The following IDE variants were observed in gnomAD, a reference collection of about 807,000 sequenced individuals.
The protein encoded by IDE is insulin-degrading enzyme.
IDE carries 58 observed loss-of-function variants against 133.2 expected under a neutral mutation model. The ratio of observed to expected loss-of-function variants is 0.44; its 90% CI spans 0.35 to 0.54. The LOEUF is 0.54. Among genes scored for constraint, IDE ranks in the 20% least tolerant of loss-of-function variants. The pLI is 0.00. For synonymous variants in IDE, 396 were observed against 421.3 expected (o/e 0.94, Z 0.73); for missense variants, 981 against 1,234.0 (o/e 0.79, Z 3.07).
In IDE at chr10:92,559,320, G is replaced by A. The variant is rs565389889; in HGVS notation, c.98+14602C>T. ...AGTGTTCACATGAAAACTTGTACACGAATGCCCAAAGCAGTATTATTCATT... is the reference window on the plus strand; with the variant it reads ...AGTGTTCACATGAAAACTTGTACACAAATGCCCAAAGCAGTATTATTCATT... On this transcript the variant is annotated intron_variant, in intron 1 of 24. Coordinates refer to ENST00000265986, the MANE Select transcript of IDE (RefSeq NM_004969.4). 7 of 152,218 alleles carry A rather than the reference G, an allele frequency of 4.6e-5. No homozygotes were observed. The South Asian group carries it at 1.4e-3, about 32-fold the overall frequency. The allele number at this position is 152,218 out of a possible 1,614,324, so 9.4% of individuals were successfully genotyped here.
chr10:92,478,061 G>T (rs1182849424), intron 15 of IDE, among the ~76,000 whole-genome samples: 1 of 152,190 alleles, frequency 6.6e-6, no homozygotes, highest in African/African-American at 2.4e-5. Context: ...GAAGATGAAT[G>T]TGTGCCATAA....
At chr10:92,502,483 T>C (rs1589433803) in intron 11 of IDE, among the ~76,000 whole-genome samples, 1 of 152,356 alleles carries the variant, frequency 6.6e-6, no homozygotes, top group African/African-American at 2.4e-5. Context: ...TTTTTGTATG[T>C]TGACCTTGCA....
At chr10:92,461,757 C>A (rs577135865) in intron 21 of IDE, among the ~76,000 whole-genome samples, 1 of 151,992 alleles carries the variant, frequency 6.6e-6, no homozygotes, top group Non-Finnish European at 1.5e-5. Flanking sequence ...CTCTGCCTCC[C>A]GGGTTCATGC....
At chr10:92,555,497 CAAAAAAA>C (rs71306837) in intron 1 of IDE, among the ~76,000 whole-genome samples, 2 of 91,998 alleles carry the variant, frequency 2.2e-5, no homozygotes, top group Admixed American at 1.1e-4. Flanking sequence ...AACTTTGTCT[CAAAAAAA>C]AAAAAAAAAA....
At chr10:92,561,497 A>T (rs1480369867) in intron 1 of IDE, among the ~76,000 whole-genome samples, 1 of 151,262 alleles carries the variant, frequency 6.6e-6, no homozygotes, top group Non-Finnish European at 1.5e-5. Flanking sequence ...CACGCCTGTA[A>T]TCCCAGCCCT....
intron 1 of IDE, among the ~76,000 whole-genome samples, chr10:92,571,502 G>A (rs1843786494): frequency 6.6e-6 from 1 of 152,160 alleles, no homozygotes; most frequent in Non-Finnish European, 1.5e-5. Flanking sequence ...TGCAAAGTAG[G>A]GCTGCCTGCA....
rs1056637168 is a variant in IDE, at chr10:92,453,075, A to G, written c.*1369T>C. ...ACTTTACAGAAGAAAGTCCTAGCCA[A>G]TCAAATCATATGGGGAGGTAAAATG... On this transcript the variant is annotated 3_prime_UTR_variant, in exon 25 of 25. Coordinates refer to ENST00000265986, the MANE Select transcript of IDE (RefSeq NM_004969.4). 2.0e-5 allele frequency: 3 copies of G among 152,240 alleles called. No individual in the cohort carries two copies. Among genetic ancestry groups the G allele is most frequent in the Admixed American group, 1.3e-4 (2 of 15,282 alleles). 9.4% of individuals were successfully genotyped at this position (152,240 alleles called of 1,614,324 possible). A position where few individuals can be genotyped will look rare whatever the true frequency, so the allele number is the denominator to read the frequency against.
chr10:92,510,830 AC>A (rs1848576984), intron 5 of IDE, among the ~76,000 whole-genome samples: 1 of 151,030 alleles, frequency 6.6e-6, no homozygotes, highest in African/African-American at 2.4e-5. Context: ...GATATATAGC[AC>A]ATACATATCA....
rs55950806 is a variant in IDE, at chr10:92,532,542, A to G, written c.492-625T>C. On this transcript the variant is annotated intron_variant, in intron 3 of 24. Coordinates refer to ENST00000265986, the MANE Select transcript of IDE (RefSeq NM_004969.4). ...GGGCGTTTATGAAATCATAAGAGAA[A>G]AAGTCCATAAAATTTTAATAAGCAG... Among the ~76,000 whole-genome samples the G allele has an allele frequency of 8.1e-4, 123 of 152,338 alleles. 1 individual carries two copies. Among genetic ancestry groups the G allele is most frequent in the Middle Eastern group, 3.4e-3 (1 of 294 alleles).
intron 1 of IDE, among the ~76,000 whole-genome samples, chr10:92,569,422 G>C (rs1455633749): frequency 6.6e-6 from 1 of 152,220 alleles, no homozygotes; most frequent in African/African-American, 2.4e-5. Flanking sequence ...GGCTGGAAAA[G>C]TCAGTTCTAA....
In IDE at chr10:92,510,169, GA is replaced by G. The variant is rs1249186094; in HGVS notation, c.785-8del. Reference sequence around the variant, plus strand: ...GTCAAGTCATCTAAAGATTCTACAAGAAAACAGACAAGGAAAACAGAACTTA... The same window carrying G: ...GTCAAGTCATCTAAAGATTCTACAAGAAACAGACAAGGAAAACAGAACTTA... On this transcript the variant is annotated splice_region_variant and splice_polypyrimidine_tract_variant and intron_variant, in intron 5 of 24. Coordinates refer to ENST00000265986, the MANE Select transcript of IDE (RefSeq NM_004969.4). The G allele has an allele frequency of 7.2e-7, 1 of 1,384,060 alleles. No homozygotes were observed. Among genetic ancestry groups the G allele is most frequent in the Non-Finnish European group, 1.0e-6 (1 of 979,248 alleles). 85.7% of individuals were successfully genotyped at this position (1,384,060 alleles called of 1,614,324 possible). A position where few individuals can be genotyped will look rare whatever the true frequency, so the allele number is the denominator to read the frequency against.
At chr10:92,517,141 G>A (rs552153857) in intron 4 of IDE, among the ~76,000 whole-genome samples, 16 of 152,064 alleles carry the variant, frequency 1.1e-4, no homozygotes, top group Non-Finnish European at 2.2e-4. Context: ...ATCTGATATA[G>A]GGGCACTGGG....
chr10:92,534,839 A>T (rs1195451814), intron 2 of IDE, 54 bp from the exon 3 acceptor site: 1 of 1,339,146 alleles, frequency 7.5e-7, no homozygotes, highest in African/African-American at 1.4e-5. Context: ...GAAAGTTAGT[A>T]AGTACAGGTG....
intron 1 of IDE, among the ~76,000 whole-genome samples, chr10:92,540,674 G>T (rs964366234): frequency 1.2e-4 from 18 of 152,258 alleles, no homozygotes; most frequent in South Asian, 4.1e-4. Context: ...TGATGATGAT[G>T]ATGATGGTCT....
intron 15 of IDE, 56 bp downstream of exon 15, chr10:92,479,221 T>C: frequency 7.5e-7 from 1 of 1,336,676 alleles, no homozygotes; most frequent in South Asian, 1.5e-5. Flanking sequence ...AATGCTTCCA[T>C]CAAATCAATA....
intron 1 of IDE, among the ~76,000 whole-genome samples, chr10:92,566,219 T>C (rs1361416478): frequency 1.3e-5 from 2 of 150,296 alleles, no homozygotes; most frequent in African/African-American, 4.9e-5. Flanking sequence ...TCCAAAAAAT[T>C]AGCCAGGTAT....
At position 92,454,371 on chromosome 10, in the gene IDE, C is replaced by A. The variant is rs1844881839; in HGVS notation, c.*73G>T. 2 of 1,016,288 alleles carry A rather than the reference C, an allele frequency of 2.0e-6. No homozygotes were observed. The highest frequency in any genetic ancestry group is 3.5e-5 in the Admixed American group (2 of 57,828). The allele number at this position is 1,016,288 out of a possible 1,614,324, so 63.0% of individuals were successfully genotyped here. The stretch of plus-strand genomic sequence containing the variant: ...AGTGAATCAGAAACTATTAAAGTGG[C>A]CAAGATGATTTTCTTAGGCTCTGGA... On this transcript the variant is annotated 3_prime_UTR_variant, in exon 25 of 25. Coordinates refer to ENST00000265986, the MANE Select transcript of IDE (RefSeq NM_004969.4).
intron 4 of IDE, among the ~76,000 whole-genome samples, chr10:92,521,392 G>A (rs1849219181): frequency 1.3e-5 from 2 of 151,428 alleles, no homozygotes; most frequent in South Asian, 4.2e-4. Context: ...ATTGTTAGGG[G>A]TGCAGTAAAA....
intron 9 of IDE, 119 bp from the exon 10 acceptor site, chr10:92,506,641 C>G (rs1848307257): frequency 2.1e-6 from 1 of 479,320 alleles, no homozygotes; most frequent in Non-Finnish European, 3.7e-6. Context: ...CTTTATCACA[C>G]TTTCTGAAAA....
Sources: gnomAD v4.1 joint callset for allele counts (sites outside exome capture counted in the v4.1 genomes callset) on GRCh38, gnomAD v4.1.1 for gene constraint, MANE v1.5 for transcripts, NCBI Gene and HGNC (gene_info 2026-07-23, HGNC 2026-07-21) for gene names.